The following MANBAL variants were observed in gnomAD, a reference collection of about 807,000 sequenced individuals.
MANBAL encodes mannosidase beta like, also known as protein MANBAL.
Under a neutral mutation model 6.4 loss-of-function variants are expected in MANBAL, and 1 was observed. The ratio of observed to expected loss-of-function variants is 0.16; its 90% CI spans 0.06 to 0.74. The LOEUF (loss-of-function observed/expected upper bound fraction) is 0.74, where lower values mean the gene tolerates loss of function less well. Among genes scored for constraint, MANBAL ranks in the 30% least tolerant of loss-of-function variants. MANBAL has a pLI of 0.78. For missense variants in MANBAL, 100 were observed against 107.8 expected (o/e 0.93, Z 0.32); for synonymous variants, 47 against 45.8 (o/e 1.03, Z -0.10).
chr20:37,302,416 G>A, intron 2 of MANBAL: 2 of 1,488,122 alleles, frequency 1.3e-6, no homozygotes, highest in East Asian at 2.5e-5. Flanking sequence ...AGAGATTCTT[G>A]GATTGATCGG....
intron 2 of MANBAL, chr20:37,302,264 T>C: frequency 6.4e-7 from 1 of 1,550,632 alleles, no homozygotes; most frequent in Non-Finnish European, 8.7e-7. Flanking sequence ...CTGTTCCCTG[T>C]GTTTCCTGTC....
intron 2 of MANBAL, 29 bp downstream of exon 2, chr20:37,301,442 C>T (rs1200876347): frequency 6.2e-7 from 1 of 1,605,738 alleles, no homozygotes; most frequent in Non-Finnish European, 8.5e-7. Context: ...GCCTCAGCTC[C>T]TCTGAGTGCC....
intron 1 of MANBAL, among the ~76,000 whole-genome samples, chr20:37,300,334 G>T (rs1395892964): frequency 1.3e-5 from 2 of 152,058 alleles, no homozygotes; most frequent in Non-Finnish European, 2.9e-5. Context: ...ATACACAAAT[G>T]GCTCCCTCTC....
rs979050309 is a variant in MANBAL, at chr20:37,315,509, C to T, written c.151-799C>T. Among the ~76,000 whole-genome samples, 5 of 152,242 alleles carry T rather than the reference C, an allele frequency of 3.3e-5. 1 individual carries two copies. The South Asian group carries it at 6.2e-4, about 19-fold the overall frequency. On this transcript the variant is annotated intron_variant, in intron 2 of 2. Transcript: ENST00000373606. ...CTCCCTTCCTTATCAGCACAATGAA[C>T]GCCAGGGCTAGATCTGTGGGTTTCA...
chr20:37,309,425 C>T (rs2069331063), intron 2 of MANBAL, among the ~76,000 whole-genome samples: 1 of 152,168 alleles, frequency 6.6e-6, no homozygotes, highest in Non-Finnish European at 1.5e-5. Context: ...ACCCCAGTGA[C>T]TGAGAGTCCC....
chr20:37,293,274 G>A (rs377326617), intron 1 of MANBAL, among the ~76,000 whole-genome samples: 2 of 152,172 alleles, frequency 1.3e-5, no homozygotes, highest in Non-Finnish European at 2.9e-5. Context: ...ATCAGTGGGA[G>A]CCCTGAGCTT....
chr20:37,310,031 G>A (rs1014297242), intron 2 of MANBAL, among the ~76,000 whole-genome samples: 3 of 152,138 alleles, frequency 2.0e-5, no homozygotes, highest in Non-Finnish European at 4.4e-5. Context: ...GATGTGTACC[G>A]ACCGGTTCTT....
At position 37,316,549 on chromosome 20, in the gene MANBAL, C is replaced by A; in HGVS notation, c.*134C>A. The A allele has an allele frequency of 1.5e-6, 1 of 671,164 alleles. No homozygotes were observed. Among genetic ancestry groups the A allele is most frequent in the Non-Finnish European group, 2.5e-6 (1 of 400,188 alleles). The allele number at this position is 671,164 out of a possible 1,614,324, so 41.6% of individuals were successfully genotyped here. A position where few individuals can be genotyped will look rare whatever the true frequency, so the allele number is the denominator to read the frequency against. Reference sequence around the variant, plus strand: ...TGTGACGCCCTATGACCGCAGAGATCTAGACAGTCGTAACAGTCCCCAGGC... The same window carrying A: ...TGTGACGCCCTATGACCGCAGAGATATAGACAGTCGTAACAGTCCCCAGGC... On this transcript the variant is annotated 3_prime_UTR_variant, in exon 3 of 3. Transcript: ENST00000373606.
chr20:37,297,851 G>A (rs1200205847), intron 1 of MANBAL, among the ~76,000 whole-genome samples: 3 of 152,070 alleles, frequency 2.0e-5, no homozygotes, highest in Non-Finnish European at 4.4e-5. Flanking sequence ...CTCCATGTTG[G>A]TCAGGCTGGT....
At chr20:37,315,580 C>A (rs941624124) in intron 2 of MANBAL, among the ~76,000 whole-genome samples, 3 of 152,226 alleles carry the variant, frequency 2.0e-5, no homozygotes, top group Non-Finnish European at 2.9e-5. Context: ...TTCAATCTTA[C>A]AAGGGACAAA....
intron 1 of MANBAL, among the ~76,000 whole-genome samples, chr20:37,294,237 T>A (rs1321568693): frequency 1.3e-5 from 2 of 152,272 alleles, no homozygotes; most frequent in African/African-American, 4.8e-5. Context: ...TATTTTTAAC[T>A]TCTTTCAGAT....
At chr20:37,300,581 A>G (rs1766234472) in intron 1 of MANBAL, among the ~76,000 whole-genome samples, 1 of 152,238 alleles carries the variant, frequency 6.6e-6, no homozygotes, top group South Asian at 2.1e-4. Context: ...TATTTGTTGA[A>G]TGGATGACTA....
intron 2 of MANBAL, among the ~76,000 whole-genome samples, chr20:37,314,092 A>G (rs1020120705): frequency 1.3e-5 from 2 of 152,196 alleles, no homozygotes; most frequent in African/African-American, 4.8e-5. Flanking sequence ...CAGAGACAGC[A>G]GGCACTTTGC....
intron 1 of MANBAL, among the ~76,000 whole-genome samples, chr20:37,292,028 T>C (rs544436724): frequency 1.1e-4 from 17 of 152,378 alleles, no homozygotes; most frequent in African/African-American, 3.1e-4. Flanking sequence ...ACTATCGATA[T>C]GAGTTATCAT....
rs1302266631 is a variant in MANBAL at position 37,301,281 on chromosome 20, C to G, written c.18C>G (p.Asp6Glu). The stretch of plus-strand genomic sequence containing the variant: ...CTTGGGCCATGGCCTCTGACCTAGA[C>G]TTCTCACCTCCGGAGGTGCCCGAGC... MASDL[D>E]FSPPEVPEPT... The change falls in exon 2 of 3, where the codon GAC (aspartate) becomes GAG (glutamate). Residue 6 changes from aspartate to glutamate, a missense_variant. Coordinates refer to ENST00000373606, the MANE Select transcript of MANBAL (RefSeq NM_001003897.2). 1.2e-6 allele frequency: 2 copies of G among 1,608,390 alleles called. No homozygotes were observed. Among genetic ancestry groups the G allele is most frequent in the Admixed American group, 3.3e-5 (2 of 59,772 alleles).
Position 37,293,243 on chromosome 20 carries a change from T to A in MANBAL, c.-57+3557T>A, listed in dbSNP as rs11906863. On this transcript the variant is annotated intron_variant, in intron 1 of 2. Transcript: ENST00000373606. ...ATTGTAATATATAATGGAATGATCA[T>A]ACAACTCACCATAATGTAGAATCAG... 3.8e-4 allele frequency among the ~76,000 whole-genome samples: 58 copies of A among 152,306 alleles called. 1 individual carries two copies. The highest frequency in any genetic ancestry group is 1.4e-3 in the African/African-American group (57 of 41,574).
intron 2 of MANBAL, 44 bp downstream of exon 2, chr20:37,301,457 T>C (rs1376181807): frequency 6.2e-7 from 1 of 1,603,882 alleles, no homozygotes; most frequent in South Asian, 1.1e-5. Context: ...AGTGCCAGGC[T>C]GGGTTCTGAG....
intron 2 of MANBAL, among the ~76,000 whole-genome samples, chr20:37,314,653 C>A (rs1207584132): frequency 1.3e-5 from 2 of 152,262 alleles, no homozygotes; most frequent in Admixed American, 6.5e-5. Context: ...GAATCCAGCA[C>A]TGCAGTGAGA....
At chr20:37,293,089 C>G (rs190123069) in intron 1 of MANBAL, among the ~76,000 whole-genome samples, 2 of 152,292 alleles carry the variant, frequency 1.3e-5, no homozygotes, top group Non-Finnish European at 2.9e-5. Context: ...CTTGGCAGTC[C>G]CCAACCTTTT....
Sources: gnomAD v4.1 joint callset for allele counts (sites outside exome capture counted in the v4.1 genomes callset) on GRCh38, gnomAD v4.1.1 for gene constraint, MANE v1.5 for transcripts, NCBI Gene and HGNC (gene_info 2026-07-23, HGNC 2026-07-21) for gene names.